The following EPHB1 variants were observed in gnomAD, a reference collection of about 807,000 sequenced individuals.
The protein encoded by EPHB1 is EPH receptor B1.
A neutral mutation model predicts 94.4 loss-of-function variants in EPHB1; 30 were observed. The observed-to-expected ratio is 0.32, with a 90% CI of 0.24 to 0.43. EPHB1 has a LOEUF of 0.43. Ranked by LOEUF, EPHB1 falls within the 20% of genes least tolerant of loss-of-function variation. The probability of loss-of-function intolerance (pLI) is 1.00; values close to 1 mark genes in which losing one functional copy is unlikely to be tolerated. For missense variants in EPHB1, 1,055 were observed against 1,308.3 expected, an observed-to-expected ratio of 0.81 and a Z score of 2.99; for synonymous variants, 522 against 489.1, an observed-to-expected ratio of 1.07 and a Z score of -0.89.
intron 13 of EPHB1, among the ~76,000 whole-genome samples, chr3:135,246,283 G>A (rs1943922264): frequency 6.6e-6 from 1 of 152,122 alleles, no homozygotes; most frequent in Admixed American, 6.5e-5. Flanking sequence ...CCATTCAATG[G>A]GTAATCCCAC....
intron 3 of EPHB1, among the ~76,000 whole-genome samples, chr3:135,030,490 G>A (rs940998264): frequency 2.6e-5 from 4 of 152,216 alleles, no homozygotes; most frequent in African/African-American, 9.6e-5. Context: ...GCAGTGTGAG[G>A]TGTCAGTATG....
At chr3:135,172,252 A>T (rs1332067108) in intron 9 of EPHB1, among the ~76,000 whole-genome samples, 1 of 152,234 alleles carries the variant, frequency 6.6e-6, no homozygotes, top group Non-Finnish European at 1.5e-5. Flanking sequence ...ATCATCCAGC[A>T]TAATGCCATT....
At chr3:134,869,559 G>A (rs2037455050) in intron 1 of EPHB1, among the ~76,000 whole-genome samples, 1 of 152,218 alleles carries the variant, frequency 6.6e-6, no homozygotes, top group Non-Finnish European at 1.5e-5. Context: ...GGTTGGCTGA[G>A]TGATTGGAGG....
intron 1 of EPHB1, among the ~76,000 whole-genome samples, chr3:134,862,179 A>G (rs2037277578): frequency 6.6e-6 from 1 of 152,202 alleles, no homozygotes; most frequent in Non-Finnish European, 1.5e-5. Context: ...CTGAGTATCT[A>G]GCGCTGGGCT....
chr3:135,130,758 C>T (rs923346633), intron 4 of EPHB1, among the ~76,000 whole-genome samples: 1 of 152,102 alleles, frequency 6.6e-6, no homozygotes, highest in Non-Finnish European at 1.5e-5. Flanking sequence ...CAGGATGTCC[C>T]AAGGATGCAG....
At chr3:134,814,741 C>T (rs984165896) in intron 1 of EPHB1, among the ~76,000 whole-genome samples, 2 of 152,164 alleles carry the variant, frequency 1.3e-5, no homozygotes, top group African/African-American at 2.4e-5. Context: ...CATCTTGTTG[C>T]GTCCCAAGTC....
chr3:134,848,468 T>G (rs1461172969), intron 1 of EPHB1, among the ~76,000 whole-genome samples: 1 of 152,216 alleles, frequency 6.6e-6, no homozygotes. Flanking sequence ...AAATGGAAAT[T>G]TTAATCAAGA....
At chr3:135,130,123 G>T (rs763570786) in intron 4 of EPHB1, among the ~76,000 whole-genome samples, 1 of 152,184 alleles carries the variant, frequency 6.6e-6, no homozygotes, top group Non-Finnish European at 1.5e-5. Flanking sequence ...AAATGCAGAA[G>T]CAATGTTGGA....
intron 3 of EPHB1, among the ~76,000 whole-genome samples, chr3:135,083,426 T>C (rs1182865918): frequency 6.6e-6 from 1 of 151,516 alleles, no homozygotes; most frequent in Non-Finnish European, 1.5e-5. Context: ...GACAGTTGGA[T>C]GTGGGAAGGG....
intron 12 of EPHB1, among the ~76,000 whole-genome samples, chr3:135,229,146 G>T (rs921377521): frequency 6.6e-6 from 1 of 152,202 alleles, no homozygotes; most frequent in African/African-American, 2.4e-5. Context: ...ACCACCAGAG[G>T]AGGGCAGACA....
At chr3:135,067,995 C>T (rs1367504991) in intron 3 of EPHB1, 1 of 152,226 alleles carries the variant, frequency 6.6e-6, no homozygotes, top group Non-Finnish European at 1.5e-5. Context: ...TCAGAGGATC[C>T]CACTGCAAGT....
intron 1 of EPHB1, among the ~76,000 whole-genome samples, chr3:134,861,480 C>A (rs2037257375): frequency 6.6e-6 from 1 of 152,124 alleles, no homozygotes; most frequent in South Asian, 2.1e-4. Context: ...TTTCAGCAAC[C>A]AGACATAGAG....
intron 3 of EPHB1, among the ~76,000 whole-genome samples, chr3:135,091,663 C>A (rs149210890): frequency 1.3e-5 from 2 of 152,286 alleles, no homozygotes; most frequent in Non-Finnish European, 2.9e-5. Context: ...TAGCAAGCTT[C>A]CCTAAGAGAA....
chr3:134,827,825 G>GGGTGAGTGC (rs2036511908), intron 1 of EPHB1, among the ~76,000 whole-genome samples: 1 of 152,060 alleles, frequency 6.6e-6, no homozygotes, highest in Admixed American at 6.6e-5. Flanking sequence ...AGGGTGAGTG[G>GGGTGAGTGC]GTGCTGGCTG....
chr3:135,110,639 G>A (rs1939402730), intron 4 of EPHB1, among the ~76,000 whole-genome samples: 1 of 152,220 alleles, frequency 6.6e-6, no homozygotes. Context: ...ACTCAGGTCT[G>A]TCTGACTCTA....
At chr3:135,235,774 G>A (rs1335309170) in intron 12 of EPHB1, among the ~76,000 whole-genome samples, 1 of 152,166 alleles carries the variant, frequency 6.6e-6, no homozygotes, top group East Asian at 1.9e-4. Flanking sequence ...TGGGGACACT[G>A]ATGGTAGAGT....
intron 1 of EPHB1, among the ~76,000 whole-genome samples, chr3:134,865,141 A>G (rs575527529): frequency 2.9e-4 from 44 of 152,116 alleles, no homozygotes; most frequent in Non-Finnish European, 4.6e-4. Flanking sequence ...ATAGATATCT[A>G]TATATCTGAA....
At chr3:134,867,574 C>T (rs931448531) in intron 1 of EPHB1, among the ~76,000 whole-genome samples, 1 of 152,178 alleles carries the variant, frequency 6.6e-6, no homozygotes, top group Non-Finnish European at 1.5e-5. Flanking sequence ...GAAGAAGCAA[C>T]AGGCTTCAGC....
In EPHB1 at chr3:134,972,836, A is replaced by T. The variant is rs139614181; in HGVS notation, c.805+20784A>T. Among the ~76,000 whole-genome samples, 654 of 152,208 alleles carry T rather than the reference A, an allele frequency of 4.3e-3. 3 individuals are homozygous for T. The highest frequency in any genetic ancestry group is 0.015 in the African/African-American group (620 of 41,508). On this transcript the variant is annotated intron_variant, in intron 3 of 15. Transcript: ENST00000398015. ...GTGTATTTCACTCAGTGTGAATTTGAGGCCTTTCTTGAATGGGAGCAGGCC... is the reference window on the plus strand; with the variant it reads ...GTGTATTTCACTCAGTGTGAATTTGTGGCCTTTCTTGAATGGGAGCAGGCC...
Sources: allele counts gnomAD v4.1 joint callset (sites outside exome capture counted in the v4.1 genomes callset), GRCh38; gene constraint gnomAD v4.1.1; transcripts MANE v1.5; gene names NCBI Gene and HGNC (gene_info 2026-07-23, HGNC 2026-07-21).